The following PDS5A variants were observed in gnomAD, a reference collection of about 807,000 sequenced individuals.
PDS5A encodes sister chromatid cohesion protein PDS5 homolog A.
Under a neutral mutation model 167.1 loss-of-function variants are expected in PDS5A, and 42 were observed. That is an observed-to-expected ratio of 0.25 (90% confidence interval 0.20 to 0.33). The LOEUF is 0.33. PDS5A is among the 10% of genes least tolerant of loss of function. The pLI, the probability that PDS5A is intolerant of heterozygous loss-of-function variation, is 1.00. For synonymous variants in PDS5A, 553 were observed against 554.6 expected, an observed-to-expected ratio of 1.00 and a Z score of 0.04; for missense variants, 1,033 against 1,605.9, an observed-to-expected ratio of 0.64 and a Z score of 6.10.
At chr4:39,893,335 C>G (rs1054869828) in intron 16 of PDS5A, among the ~76,000 whole-genome samples, 8 of 152,202 alleles carry the variant, frequency 5.3e-5, no homozygotes, top group Non-Finnish European at 1.2e-4. Context: ...CCACCCCACA[C>G]ACAAATACAC....
chr4:39,830,958 G>A (rs112794211), intron 32 of PDS5A, among the ~76,000 whole-genome samples: 2 of 152,174 alleles, frequency 1.3e-5, no homozygotes, highest in Admixed American at 6.5e-5. Flanking sequence ...CAGTTCTGCC[G>A]GGCGCAATGG....
Position 39,842,903 on chromosome 4 carries a change from CTATTTTTATATATATATA to C in PDS5A, c.3549-865_3549-848del, listed in dbSNP as rs1348140171. 1.7e-4 allele frequency among the ~76,000 whole-genome samples: 4 copies of C among 23,994 alleles called. 1 individual carries two copies. In the East Asian group the frequency reaches 4.5e-3, roughly 27 times the overall value. The allele number at this position is 23,994 out of a possible 152,430, so 15.7% of individuals were successfully genotyped here. A position where few individuals can be genotyped will look rare whatever the true frequency, so the allele number is the denominator to read the frequency against. ...AATGTTAGAACAATGTAAACTTATC[CTATTTTTATATATATATA>C]TATATATATATATATATTTTAAGAG... On this transcript the variant is annotated intron_variant, in intron 30 of 32. Coordinates refer to ENST00000303538, the MANE Select transcript of PDS5A (RefSeq NM_001100399.2).
At position 39,913,657 on chromosome 4, in the gene PDS5A, C is replaced by T; in HGVS notation, c.946G>A (p.Asp316Asn). Residue 316 changes from aspartate (D) to asparagine (N), a missense_variant, in exon 9 of 33, where the codon GAT (aspartate) becomes AAT (asparagine). Around this residue, in one of 4 missense-constraint regions of PDS5A, gnomAD observed 388 missense variants for 615.1 expected, o/e 0.63. Transcript: ENST00000303538. ...LAKLFGSKDS[D>N]LATQNRPLWQ... ...AGAGGACGATTCTGTGTTGCCAAAT[C>T]AGAATCTTTGGAGCCAAACAATTTA... 1 of 1,611,434 alleles carries T rather than the reference C, an allele frequency of 6.2e-7. No individual in the cohort carries two copies. The highest frequency in any genetic ancestry group is 8.5e-7 in the Non-Finnish European group (1 of 1,177,638).
At chr4:39,838,372 T>C (rs912367255) in intron 31 of PDS5A, among the ~76,000 whole-genome samples, 164 bp from the exon 32 acceptor site, 2 of 152,232 alleles carry the variant, frequency 1.3e-5, no homozygotes, top group Non-Finnish European at 2.9e-5. Context: ...GGAGAGTGAC[T>C]GTGCCTGGTA....
chr4:39,926,354 A>C (rs1725464802), intron 4 of PDS5A, among the ~76,000 whole-genome samples: 1 of 152,082 alleles, frequency 6.6e-6, no homozygotes, highest in Non-Finnish European at 1.5e-5. Flanking sequence ...CCCCGTCTCT[A>C]CTAAAAATAC....
chr4:39,883,931 TCTC>T (rs1249716786), intron 17 of PDS5A, among the ~76,000 whole-genome samples: 1 of 139,706 alleles, frequency 7.2e-6, no homozygotes, highest in African/African-American at 2.6e-5. Context: ...CACCCAGCCT[TCTC>T]CTTTGCTTTT....
intron 26 of PDS5A, among the ~76,000 whole-genome samples, chr4:39,849,989 G>C (rs1055273115): frequency 6.6e-6 from 1 of 151,998 alleles, no homozygotes; most frequent in Non-Finnish European, 1.5e-5. Flanking sequence ...CCAGAAATTC[G>C]AGGCTGGGCG....
intron 32 of PDS5A, among the ~76,000 whole-genome samples, chr4:39,829,980 A>AAAG (rs1715701339): frequency 7.2e-6 from 1 of 137,978 alleles, no homozygotes; most frequent in South Asian, 2.3e-4. Context: ...AAAAAAAAAA[A>AAAG]AAAAGAAATT....
intron 32 of PDS5A, among the ~76,000 whole-genome samples, chr4:39,829,224 A>T (rs1320716864): frequency 6.6e-6 from 1 of 152,214 alleles, no homozygotes; most frequent in Admixed American, 6.5e-5. Flanking sequence ...ATGTCAAATC[A>T]CTCACAGGGA....
chr4:39,823,807 G>T lies in PDS5A; in HGVS notation c.*1678C>A. 6.6e-6 allele frequency: 1 copy of T among 152,568 alleles called. No individual in the cohort carries two copies. Among genetic ancestry groups the T allele is most frequent in the Non-Finnish European group, 1.5e-5 (1 of 68,040 alleles). The allele number at this position is 152,568 out of a possible 1,614,324, so 9.5% of individuals were successfully genotyped here. On this transcript the variant is annotated 3_prime_UTR_variant, in exon 33 of 33. Coordinates refer to ENST00000303538, the MANE Select transcript of PDS5A (RefSeq NM_001100399.2). The stretch of plus-strand genomic sequence containing the variant: ...TAAGCATCTTCTGATACCTAAATGT[G>T]TGTAAATGCATATTTAAAATAATTA...
chr4:39,875,258 T>C (rs755708593), intron 19 of PDS5A, among the ~76,000 whole-genome samples: 20 of 152,128 alleles, frequency 1.3e-4, no homozygotes, highest in Non-Finnish European at 2.6e-4. Context: ...ATAGTGTGCA[T>C]ATATGAACTT....
intron 2 of PDS5A, among the ~76,000 whole-genome samples, chr4:39,955,872 TG>T (rs1006881700): frequency 2.0e-5 from 3 of 152,114 alleles, no homozygotes; most frequent in African/African-American, 7.2e-5. Context: ...CACAGCACTT[TG>T]GGGGGCCAAG....
chr4:39,930,246 A>AAAAAAAAAATTTTTT, intron 2 of PDS5A, among the ~76,000 whole-genome samples: 1 of 93,166 alleles, frequency 1.1e-5, no homozygotes, highest in Non-Finnish European at 2.2e-5. Context: ...AAAAAAAAAA[A>AAAAAAAAAATTTTTT]GTTTTTTTGT....
chr4:39,922,355 C>T (rs1039948497), intron 6 of PDS5A, among the ~76,000 whole-genome samples: 1 of 152,172 alleles, frequency 6.6e-6, no homozygotes, highest in Non-Finnish European at 1.5e-5. Context: ...TAACCCCTTA[C>T]AATTCTCAGA....
At chr4:39,867,393 A>G (rs1201733335) in intron 22 of PDS5A, among the ~76,000 whole-genome samples, 1 of 152,080 alleles carries the variant, frequency 6.6e-6, no homozygotes, top group Non-Finnish European at 1.5e-5. Context: ...CTTTAAAAAC[A>G]ACAATTTAAA....
chr4:39,858,117 GC>G (rs1718685902), intron 26 of PDS5A, among the ~76,000 whole-genome samples: 2 of 152,134 alleles, frequency 1.3e-5, no homozygotes, highest in Admixed American at 1.3e-4. Context: ...GACATCCTGT[GC>G]TAATAGATTA....
Position 39,910,267 on chromosome 4 carries a change from G to C in PDS5A, c.1064C>G (p.Pro355Arg). Residue 355 changes from proline to arginine, a missense_variant, in exon 10 of 33, where the codon CCA becomes CGA. This residue lies in a region of PDS5A where 388 missense variants were observed against 615.1 expected (regional missense o/e 0.63). Transcript: ENST00000303538. ...KFASHCLMNH[P>R]DLAKDLTEYL... ...ACCTGTGAGATCCTTCGCTAAATCT[G>C]GGTGATTCATTAAACAATGACTGGC... The C allele has an allele frequency of 1.3e-6, 2 of 1,579,100 alleles. No individual in the cohort carries two copies. Among genetic ancestry groups the C allele is most frequent in the Non-Finnish European group, 1.7e-6 (2 of 1,152,844 alleles).
intron 2 of PDS5A, among the ~76,000 whole-genome samples, chr4:39,934,814 T>C (rs1726431899): frequency 6.6e-6 from 1 of 152,214 alleles, no homozygotes; most frequent in Non-Finnish European, 1.5e-5. Flanking sequence ...AAATTAAGCA[T>C]CTTTTCACGT....
chr4:39,971,321 A>C (rs1014118416), intron 2 of PDS5A, among the ~76,000 whole-genome samples: 1 of 151,544 alleles, frequency 6.6e-6, no homozygotes, highest in Non-Finnish European at 1.5e-5. Context: ...CGCCTGGATA[A>C]TTTTTTTGTA....
Sources: gnomAD v4.1 joint callset for allele counts (sites outside exome capture counted in the v4.1 genomes callset) on GRCh38, gnomAD v4.1.1 for gene constraint, gnomAD v4.1.1 regional missense constraint, MANE v1.5 for transcripts, NCBI Gene and HGNC (gene_info 2026-07-23, HGNC 2026-07-21) for gene names.